The following ERGIC2 variants were observed in gnomAD, a reference collection of about 807,000 sequenced individuals.
The protein encoded by ERGIC2 is endoplasmic reticulum-Golgi intermediate compartment protein 2.
A neutral mutation model predicts 52.5 loss-of-function variants in ERGIC2; 31 were observed. That is an observed-to-expected ratio of 0.59 (90% CI 0.44 to 0.80). The LOEUF is 0.80. Among genes scored for constraint, ERGIC2 ranks in the 30% least tolerant of loss-of-function variants. The pLI is 0.00. For missense variants in ERGIC2, 395 were observed against 455.2 expected (o/e 0.87, Z 1.20); for synonymous variants, 129 against 140.6 (o/e 0.92, Z 0.58).
chr12:29,378,326 A>G (rs1296628743), intron 1 of ERGIC2, among the ~76,000 whole-genome samples: 1 of 152,184 alleles, frequency 6.6e-6, no homozygotes, highest in Non-Finnish European at 1.5e-5. Context: ...AGTCTTGCTG[A>G]CACCTTGATT....
At position 29,341,066 on chromosome 12, in the gene ERGIC2, C is replaced by A. The variant is rs1191044506; in HGVS notation, c.*90G>T. ...TATGTTTTCTGCTTATTTGTGTTTTCTTTTCTTTGAATATATTGCACAATA... is the reference window on the plus strand; with the variant it reads ...TATGTTTTCTGCTTATTTGTGTTTTATTTTCTTTGAATATATTGCACAATA... On this transcript the variant is annotated 3_prime_UTR_variant, in exon 14 of 14. Coordinates refer to ENST00000360150, the MANE Select transcript of ERGIC2 (RefSeq NM_016570.3). 1 of 891,618 alleles carries A rather than the reference C, an allele frequency of 1.1e-6. No homozygotes were observed. The highest frequency in any genetic ancestry group is 1.7e-5 in the South Asian group (1 of 59,592). The allele number at this position is 891,618 out of a possible 1,614,324, so 55.2% of individuals were successfully genotyped here.
intron 6 of ERGIC2, among the ~76,000 whole-genome samples, chr12:29,360,286 A>G (rs1940265052): frequency 1.3e-5 from 2 of 151,836 alleles, no homozygotes; most frequent in Admixed American, 6.6e-5. Flanking sequence ...TTCATTGAGT[A>G]TTGTTTTTAA....
At chr12:29,374,227 C>T (rs537487257) in intron 1 of ERGIC2, among the ~76,000 whole-genome samples, 5 of 152,290 alleles carry the variant, frequency 3.3e-5, no homozygotes, top group African/African-American at 1.2e-4. Flanking sequence ...CTGACAGACA[C>T]TCCTCAGTCC....
chr12:29,356,519 GT>G, intron 7 of ERGIC2, 42 bp from the exon 8 acceptor site: 1 of 1,033,078 alleles, frequency 9.7e-7, no homozygotes, highest in South Asian at 1.5e-5. Context: ...ATTCAATACA[GT>G]TACCATTTTA....
At chr12:29,362,349 G>A (rs564209036) in intron 5 of ERGIC2, among the ~76,000 whole-genome samples, 2 of 152,134 alleles carry the variant, frequency 1.3e-5, no homozygotes, top group Admixed American at 1.3e-4. Context: ...GCCAAGACAG[G>A]CGGATTGCCT....
In ERGIC2 at chr12:29,381,166, C is replaced by CG. The variant is rs1940584625; in HGVS notation, c.-90dup. On this transcript the variant is annotated 5_prime_UTR_variant, in exon 1 of 14. Transcript: ENST00000360150. ...CATGTTTCACAGAAGCCCGGGTCGC[C>CG]GGGGCTCCCGCGTACCCGGAAATAT... 6.6e-6 allele frequency: 1 copy of CG among 152,144 alleles called. No individual in the cohort carries two copies. Among genetic ancestry groups the CG allele is most frequent in the African/African-American group, 2.4e-5 (1 of 41,420 alleles). The allele number at this position is 152,144 out of a possible 1,614,324, so 9.4% of individuals were successfully genotyped here.
At chr12:29,354,541 G>C (rs1329989248) in intron 8 of ERGIC2, among the ~76,000 whole-genome samples, 1 of 152,108 alleles carries the variant, frequency 6.6e-6, no homozygotes, top group Non-Finnish European at 1.5e-5. Flanking sequence ...TTAAATTACA[G>C]TTGAGACTGA....
At chr12:29,346,161 T>G (rs1176818737) in intron 10 of ERGIC2, among the ~76,000 whole-genome samples, 1 of 151,450 alleles carries the variant, frequency 6.6e-6, no homozygotes, top group Non-Finnish European at 1.5e-5. Context: ...CATCCTTTTA[T>G]CAATTATGGA....
intron 1 of ERGIC2, 112 bp from the exon 2 acceptor site, chr12:29,371,782 C>T: frequency 1.8e-6 from 1 of 565,894 alleles, no homozygotes; most frequent in Non-Finnish European, 3.1e-6. Flanking sequence ...ATTCTCATCC[C>T]CCCTTAAAAA....
intron 8 of ERGIC2, among the ~76,000 whole-genome samples, chr12:29,353,357 C>T (rs1057229472): frequency 1.3e-5 from 2 of 152,102 alleles, no homozygotes; most frequent in Admixed American, 1.3e-4. Context: ...AACAGTGTTC[C>T]TACTATTATT....
chr12:29,350,215 A>C, intron 8 of ERGIC2, 147 bp from the exon 9 acceptor site: 1 of 552,520 alleles, frequency 1.8e-6, no homozygotes, highest in Non-Finnish European at 3.3e-6. Flanking sequence ...TGAGCAGACA[A>C]GTCTACTCAT....
At chr12:29,349,691 C>T (rs1055213527) in intron 9 of ERGIC2, among the ~76,000 whole-genome samples, 3 of 152,000 alleles carry the variant, frequency 2.0e-5, no homozygotes, top group African/African-American at 7.2e-5. Flanking sequence ...AACCTGAATA[C>T]TTTATACATG....
At chr12:29,363,781 A>G (rs914009567) in intron 5 of ERGIC2, among the ~76,000 whole-genome samples, 2 of 151,808 alleles carry the variant, frequency 1.3e-5, no homozygotes, top group African/African-American at 2.4e-5. Context: ...CCAGCTAGAA[A>G]GATAAGAGAT....
rs79138982 is a variant in ERGIC2 at position 29,348,972 on chromosome 12, G to T, written c.727+107C>A. ...ACATCTCAATCACCAACCACTTAAA[G>T]ATTATCTTTACACAGTAGTTAGGAA... is the stretch of plus-strand genomic sequence containing the variant. On this transcript the variant is annotated intron_variant, in intron 10 of 13. Transcript: ENST00000360150. 4,521 of 574,388 alleles carry T rather than the reference G, an allele frequency of 7.9e-3. 170 individuals are homozygous for T. In the African/African-American group the frequency reaches 0.081, roughly 10 times the overall value. 35.6% of individuals were successfully genotyped at this position (574,388 alleles called of 1,614,324 possible).
chr12:29,374,659 A>G (rs1940489699), intron 1 of ERGIC2, among the ~76,000 whole-genome samples: 1 of 152,188 alleles, frequency 6.6e-6, no homozygotes, highest in South Asian at 2.1e-4. Flanking sequence ...CCATAAGCCC[A>G]ACTACACAAG....
In ERGIC2 at chr12:29,366,873, T is replaced by G. The variant is rs1313120213; in HGVS notation, c.333+4A>C. 6.3e-7 allele frequency: 1 copy of G among 1,588,634 alleles called. No individual in the cohort carries two copies. Among genetic ancestry groups the G allele is most frequent in the South Asian group, 1.1e-5 (1 of 88,680 alleles). On this transcript the variant is annotated splice_donor_region_variant and intron_variant, in intron 5 of 13. Transcript: ENST00000360150. ...TTTCAAAAAACCATGTGAATCAAAC[T>G]TACTGGTTCATAAACTAAACCATCT...
intron 11 of ERGIC2, 131 bp from the exon 12 acceptor site, chr12:29,343,413 C>T: frequency 1.8e-6 from 1 of 557,104 alleles, no homozygotes; most frequent in Non-Finnish European, 3.0e-6. Flanking sequence ...TCCACATTTC[C>T]TTATGAACTG....
intron 8 of ERGIC2, among the ~76,000 whole-genome samples, chr12:29,355,951 T>C (rs1183660579): frequency 6.6e-6 from 1 of 152,206 alleles, no homozygotes; most frequent in Non-Finnish European, 1.5e-5. Context: ...TCTCAAGACA[T>C]TAAAAATATA....
intron 4 of ERGIC2, among the ~76,000 whole-genome samples, chr12:29,367,686 A>T (rs1281993663): frequency 6.6e-6 from 1 of 151,804 alleles, no homozygotes; most frequent in Non-Finnish European, 1.5e-5. Context: ...CTCATAAAAT[A>T]TTTTTCATGC....
Sources: allele counts gnomAD v4.1 joint callset (sites outside exome capture counted in the v4.1 genomes callset), GRCh38; gene constraint gnomAD v4.1.1; transcripts MANE v1.5; gene names NCBI Gene and HGNC (gene_info 2026-07-23, HGNC 2026-07-21).